Variants in AGBL4 observed in about 807,000 individuals in gnomAD.
AGBL4 encodes the protein cytosolic carboxypeptidase 6.
In AGBL4, 58 loss-of-function variants were observed where a neutral mutation model predicts 66.4. The observed-to-expected ratio is 0.87, with a 90% CI of 0.71 to 1.09. The LOEUF (loss-of-function observed/expected upper bound fraction) is 1.09, where lower values mean the gene tolerates loss of function less well. Among genes scored for constraint, AGBL4 ranks in the 50% least tolerant of loss-of-function variants. The probability of loss-of-function intolerance (pLI) is 0.00; values close to 1 mark genes in which losing one functional copy is unlikely to be tolerated. For synonymous variants in AGBL4, 234 were observed against 222.9 expected, an observed-to-expected ratio of 1.05 and a Z score of -0.44; for missense variants, 579 against 631.0, an observed-to-expected ratio of 0.92 and a Z score of 0.88.
At chr1:49,840,723 C>A (rs185113980) in intron 2 of AGBL4, among the ~76,000 whole-genome samples, 4 of 152,284 alleles carry the variant, frequency 2.6e-5, no homozygotes, top group Admixed American at 2.6e-4. Context: ...TTATCTACCA[C>A]ATGAACAGAA....
intron 5 of AGBL4, among the ~76,000 whole-genome samples, chr1:48,959,101 C>T (rs1657740397): frequency 6.6e-6 from 1 of 152,168 alleles, no homozygotes; most frequent in Non-Finnish European, 1.5e-5. Context: ...AGGGAGGCAT[C>T]TGGATAGCGT....
intron 3 of AGBL4, among the ~76,000 whole-genome samples, chr1:49,432,167 G>A (rs1645802316): frequency 6.6e-6 from 1 of 152,136 alleles, no homozygotes; most frequent in African/African-American, 2.4e-5. Context: ...TTTACATTAA[G>A]TAAATTTACT....
At chr1:48,660,304 C>T (rs542748312) in intron 7 of AGBL4, among the ~76,000 whole-genome samples, 33 of 152,348 alleles carry the variant, frequency 2.2e-4, no homozygotes, top group South Asian at 4.1e-4. Context: ...AGCAGCTCGG[C>T]GGTGAGAACT....
intron 2 of AGBL4, among the ~76,000 whole-genome samples, chr1:49,836,772 C>A (rs1483680429): frequency 1.3e-5 from 2 of 152,108 alleles, no homozygotes; most frequent in Non-Finnish European, 2.9e-5. Flanking sequence ...GTGTGGATGT[C>A]CTTTTTGTTG....
chr1:49,049,301 A>G (rs1644154324), intron 4 of AGBL4, among the ~76,000 whole-genome samples: 1 of 152,108 alleles, frequency 6.6e-6, no homozygotes, highest in Non-Finnish European at 1.5e-5. Flanking sequence ...AATATTTCTT[A>G]AATGAACAAA....
chr1:49,774,356 T>C (rs1296584719), intron 2 of AGBL4, among the ~76,000 whole-genome samples: 1 of 152,170 alleles, frequency 6.6e-6, no homozygotes, highest in Non-Finnish European at 1.5e-5. Flanking sequence ...TGCTCCACAC[T>C]CTTTGGAGGT....
intron 6 of AGBL4, among the ~76,000 whole-genome samples, chr1:48,843,816 G>C (rs1252918699): frequency 2.0e-5 from 3 of 151,990 alleles, no homozygotes; most frequent in South Asian, 4.2e-4. Flanking sequence ...TGAGATAATA[G>C]AACTGGAACT....
intron 1 of AGBL4, among the ~76,000 whole-genome samples, chr1:49,937,260 TA>T (rs1462878427): frequency 6.6e-6 from 1 of 151,834 alleles, no homozygotes; most frequent in Non-Finnish European, 1.5e-5. Context: ...TACATAATGG[TA>T]AAGGGATCAA....
intron 1 of AGBL4, among the ~76,000 whole-genome samples, chr1:49,924,923 T>C (rs911788052): frequency 2.0e-5 from 3 of 152,134 alleles, no homozygotes. Flanking sequence ...TAAAGTACTC[T>C]GGGGTCCTAA....
At chr1:49,666,950 T>C (rs530012450) in intron 3 of AGBL4, among the ~76,000 whole-genome samples, 7 of 152,222 alleles carry the variant, frequency 4.6e-5, no homozygotes, top group East Asian at 1.9e-4. Flanking sequence ...GGTTTTGGTA[T>C]AGAAAGCACT....
chr1:48,896,486 T>C (rs17367435), intron 5 of AGBL4, among the ~76,000 whole-genome samples: 59,546 of 152,178 alleles, frequency 0.39, 14,811 homozygotes, highest in Non-Finnish European at 0.56. Flanking sequence ...TATAATCTTA[T>C]TAAGTTTCAC....
chr1:49,928,128 T>C (rs1273251025), intron 1 of AGBL4, among the ~76,000 whole-genome samples: 3 of 152,124 alleles, frequency 2.0e-5, no homozygotes, highest in Non-Finnish European at 4.4e-5. Context: ...AGAATGATGA[T>C]GAAATTAAGA....
intron 6 of AGBL4, among the ~76,000 whole-genome samples, chr1:48,680,627 A>G (rs1042291722): frequency 6.6e-6 from 1 of 152,246 alleles, no homozygotes; most frequent in Non-Finnish European, 1.5e-5. Context: ...CCTTGTGGCA[A>G]GGCCGAAGAA....
intron 4 of AGBL4, among the ~76,000 whole-genome samples, chr1:49,228,872 T>C (rs1650100006): frequency 1.3e-5 from 2 of 152,126 alleles, no homozygotes; most frequent in Non-Finnish European, 2.9e-5. Context: ...GATGGCAAAA[T>C]TGTCTCCTCC....
chr1:49,610,875 C>T (rs567074962), intron 3 of AGBL4, among the ~76,000 whole-genome samples: 3 of 152,202 alleles, frequency 2.0e-5, no homozygotes, highest in African/African-American at 7.2e-5. Context: ...GCATATCACT[C>T]GGGGTCTGGC....
At chr1:48,944,255 G>A (rs1373964347) in intron 5 of AGBL4, among the ~76,000 whole-genome samples, 4 of 152,054 alleles carry the variant, frequency 2.6e-5, no homozygotes, top group African/African-American at 9.7e-5. Flanking sequence ...GTGGGGCCAA[G>A]GAAGTCTTCA....
chr1:48,561,257 C>T (rs904108092), intron 11 of AGBL4, among the ~76,000 whole-genome samples: 1 of 150,730 alleles, frequency 6.6e-6, no homozygotes, highest in East Asian at 1.9e-4. Context: ...TTCCTTCCTT[C>T]CTTCCCTCCT....
At chr1:48,889,376 A>G (rs1239617031) in intron 5 of AGBL4, among the ~76,000 whole-genome samples, 1 of 152,230 alleles carries the variant, frequency 6.6e-6, no homozygotes, top group Non-Finnish European at 1.5e-5. Flanking sequence ...AAGAAAGCAA[A>G]AAAAAGGTAG....
intron 6 of AGBL4, among the ~76,000 whole-genome samples, chr1:48,726,490 A>G (rs1157156561): frequency 3.3e-5 from 5 of 152,230 alleles, no homozygotes; most frequent in African/African-American, 9.6e-5. Context: ...ATGAGTTAAC[A>G]TACTATGTTA....
Sources: allele counts gnomAD v4.1 joint callset (sites outside exome capture counted in the v4.1 genomes callset), GRCh38; gene constraint gnomAD v4.1.1; transcripts MANE v1.5; gene names NCBI Gene and HGNC (gene_info 2026-07-23, HGNC 2026-07-21).